RBPJ: variants seen among roughly 807,000 people sequenced by gnomAD.
RBPJ encodes the protein recombination signal binding protein for immunoglobulin kappa J region, also known as recombining binding protein suppressor of hairless.
In RBPJ, 9 loss-of-function variants were observed where a neutral mutation model predicts 67.8. That is an observed-to-expected ratio of 0.13 (90% CI 0.08 to 0.23). The LOEUF is 0.23. RBPJ is among the 10% of genes least tolerant of loss of function. The pLI, the probability that RBPJ is intolerant of heterozygous loss-of-function variation, is 1.00. For synonymous variants in RBPJ, 198 were observed against 203.3 expected (o/e 0.97, Z 0.22); for missense variants, 305 against 595.6 (o/e 0.51, Z 5.08).
upstream of RBPJ, among the ~76,000 whole-genome samples, chr4:26,160,154 G>C (rs553723233): frequency 6.6e-6 from 1 of 152,136 alleles, no homozygotes; most frequent in African/African-American, 2.4e-5. Flanking sequence ...TCCTGATCTC[G>C]TGATCTGCCC....
upstream of RBPJ, among the ~76,000 whole-genome samples, chr4:26,316,482 C>CATATTCATATAT (rs1285462891): frequency 1.4e-5 from 1 of 73,810 alleles, no homozygotes; most frequent in African/African-American, 5.7e-5. Flanking sequence ...TTCATATATA[C>CATATTCATATAT]ATATTCATAT....
At chr4:26,391,728 A>G (rs1731524226) in intron 2 of RBPJ, among the ~76,000 whole-genome samples, 1 of 152,224 alleles carries the variant, frequency 6.6e-6, no homozygotes, top group African/African-American at 2.4e-5. Flanking sequence ...TAAAGGGTGG[A>G]AATGGTCTGA....
At chr4:26,389,892 C>CAT (rs1208988370) in intron 2 of RBPJ, among the ~76,000 whole-genome samples, 2 of 152,134 alleles carry the variant, frequency 1.3e-5, no homozygotes, top group East Asian at 3.9e-4. Flanking sequence ...CAATTCCATA[C>CAT]ATACTCTTTC....
chr4:26,414,808 A>G (rs1041424741), intron 3 of RBPJ, among the ~76,000 whole-genome samples: 2 of 152,228 alleles, frequency 1.3e-5, no homozygotes, highest in Admixed American at 1.3e-4. Context: ...CTGTGAGTTG[A>G]AAGAATACAG....
chr4:26,221,243 A>G (rs1044987868), intron 1 of RBPJ, among the ~76,000 whole-genome samples: 2 of 152,132 alleles, frequency 1.3e-5, no homozygotes, highest in African/African-American at 2.4e-5. Flanking sequence ...GGCGCCCGCC[A>G]CCACGCCCGG....
the RBPJ span, among the ~76,000 whole-genome samples, chr4:26,144,613 C>G: frequency 6.6e-6 from 1 of 152,108 alleles, no homozygotes; most frequent in Non-Finnish European, 1.5e-5. Context: ...CTTCTAAATT[C>G]CAGAAAGAGG....
intron 1 of RBPJ, among the ~76,000 whole-genome samples, chr4:26,373,282 C>A (rs533394197): frequency 3.9e-5 from 6 of 152,184 alleles, no homozygotes; most frequent in African/African-American, 1.4e-4. Context: ...TCTACAATGT[C>A]CTATTTTATA....
intron 1 of RBPJ, among the ~76,000 whole-genome samples, chr4:26,296,157 T>C (rs1232431313): frequency 6.6e-6 from 1 of 152,196 alleles, no homozygotes; most frequent in Non-Finnish European, 1.5e-5. Context: ...TAATTACCAG[T>C]AGTTGCTGAG....
intron 1 of RBPJ, among the ~76,000 whole-genome samples, chr4:26,218,991 C>A (rs116788420): frequency 0.011 from 1,603 of 152,290 alleles, 13 homozygotes; most frequent in Non-Finnish European, 0.018. Flanking sequence ...GCTATCCAGC[C>A]CCTAGTCCCC....
At position 26,351,221 on chromosome 4, in the gene RBPJ, G is replaced by T. The variant is rs142352846; in HGVS notation, c.20+30173G>T. On this transcript the variant is annotated intron_variant, in intron 1 of 10. Coordinates refer to ENST00000355476, the MANE Select transcript of RBPJ (RefSeq NM_015874.6). ...ATATGTGGAAACATTGTGTACATTA[G>T]TGCGTGATCTCTGACACTTGAGGAA... 1.4e-4 allele frequency among the ~76,000 whole-genome samples: 22 copies of T among 152,288 alleles called. No homozygotes were observed. In the East Asian group the frequency reaches 4.2e-3, roughly 29 times the overall value.
chr4:26,199,626 A>C lies in RBPJ; in HGVS notation c.-167+36012A>C, dbSNP rs943040250. 5.3e-5 allele frequency among the ~76,000 whole-genome samples: 8 copies of C among 152,326 alleles called. No homozygotes were observed. In the East Asian group the frequency reaches 1.5e-3, roughly 29 times the overall value. On this transcript the variant is annotated intron_variant, in intron 1 of 4. Coordinates refer to the RBPJ transcript ENST00000512351. Reference sequence around the variant, plus strand: ...TCCCTGGAAATGAGCTTTACCGTTCAGATCTGAAGCGGAAATTTTAAGTTT... The same window carrying C: ...TCCCTGGAAATGAGCTTTACCGTTCCGATCTGAAGCGGAAATTTTAAGTTT...
intron 1 of RBPJ, chr4:26,383,974 C>T (rs143491052): frequency 6.6e-6 from 1 of 152,302 alleles, no homozygotes; most frequent in East Asian, 1.9e-4. Context: ...ATCCTCTTAC[C>T]TCAGCCTCCT....
At chr4:26,113,431 C>G in the RBPJ span, 1 of 547,718 alleles carries the variant, frequency 1.8e-6, no homozygotes, top group African/African-American at 1.9e-5. Flanking sequence ...GGGGAAAAGC[C>G]TTTTGCCAGA....
chr4:26,216,971 A>C (rs1181087486), intron 1 of RBPJ, among the ~76,000 whole-genome samples: 2 of 152,100 alleles, frequency 1.3e-5, no homozygotes, highest in Non-Finnish European at 2.9e-5. Context: ...CTTTGAAAAA[A>C]ATTACACATG....
At chr4:26,244,679 G>A (rs1719867074) in intron 1 of RBPJ, among the ~76,000 whole-genome samples, 1 of 151,938 alleles carries the variant, frequency 6.6e-6, no homozygotes, top group African/African-American at 2.4e-5. Context: ...CCAGGCTGGA[G>A]TGCAGTGGAG....
chr4:26,303,181 A>AAAATAAATAAATAAAT (rs143814094), intron 1 of RBPJ, among the ~76,000 whole-genome samples: 1 of 138,378 alleles, frequency 7.2e-6, no homozygotes, highest in African/African-American at 2.7e-5. Context: ...ACCCTGTCAA[A>AAAATAAATAAATAAAT]AAATAAATAA....
At chr4:26,423,089 T>C (rs1735305878) in intron 5 of RBPJ, among the ~76,000 whole-genome samples, 1 of 152,218 alleles carries the variant, frequency 6.6e-6, no homozygotes, top group African/African-American at 2.4e-5. Context: ...TAGTTTAATG[T>C]ATTTTCTGTA....
chr4:26,235,686 G>A (rs1407115762), intron 1 of RBPJ, among the ~76,000 whole-genome samples: 1 of 152,178 alleles, frequency 6.6e-6, no homozygotes, highest in Non-Finnish European at 1.5e-5. Flanking sequence ...GAGCTCTCTG[G>A]GGCACCCAGC....
At chr4:26,370,499 A>G (rs1441173286) in intron 1 of RBPJ, among the ~76,000 whole-genome samples, 3 of 152,188 alleles carry the variant, frequency 2.0e-5, no homozygotes, top group Admixed American at 6.5e-5. Context: ...TTTCCAATCA[A>G]TTAGTTTTAG....
Sources: gnomAD v4.1 joint callset for allele counts (sites outside exome capture counted in the v4.1 genomes callset) on GRCh38, gnomAD v4.1.1 for gene constraint, MANE v1.5 for transcripts, NCBI Gene and HGNC (gene_info 2026-07-23, HGNC 2026-07-21) for gene names.